PTPRF: variants seen among roughly 807,000 people sequenced by gnomAD.
The protein encoded by PTPRF is receptor-type tyrosine-protein phosphatase F.
PTPRF carries 59 observed loss-of-function variants against 201.8 expected under a neutral mutation model. The observed-to-expected ratio is 0.29, with a 90% CI of 0.24 to 0.36. The LOEUF is 0.36. PTPRF is among the 10% of genes least tolerant of loss of function. The pLI, the probability that PTPRF is intolerant of heterozygous loss-of-function variation, is 1.00. For missense variants in PTPRF, 2,132 were observed against 2,690.5 expected, an observed-to-expected ratio of 0.79 and a Z score of 4.59; for synonymous variants, 1,088 against 1,089.7, an observed-to-expected ratio of 1.00 and a Z score of 0.03.
intron 13 of PTPRF, among the ~76,000 whole-genome samples, chr1:43,599,770 G>T (rs898194277): frequency 6.6e-6 from 1 of 152,200 alleles, no homozygotes; most frequent in African/African-American, 2.4e-5. Flanking sequence ...TATTCAGCAA[G>T]TAGGTGGCTG....
Position 43,605,599 on chromosome 1 carries a change from C to T in PTPRF, c.3460C>T (p.Pro1154Ser), listed in dbSNP as rs1405832871. ...CATGCTGACGCCAAGGTGGAGCACA[C>T]CCGAGGAACTGGAGCTGGACGAGGT... ...GSMLTPRWST[P>S]EELELDELLE... is the part of the protein sequence containing the mutation. The change falls in exon 19 of 34, where the codon CCC (proline) becomes TCC (serine). Residue 1154 changes from proline to serine, a missense_variant. This residue lies in a region of PTPRF where 818 missense variants were observed against 915.3 expected (regional missense o/e 0.89). Transcript: ENST00000359947. 1 of 1,614,152 alleles carries T rather than the reference C, an allele frequency of 6.2e-7. No homozygotes were observed. Among genetic ancestry groups the T allele is most frequent in the Non-Finnish European group, 8.5e-7 (1 of 1,180,028 alleles).
At chr1:43,608,995 G>A (rs1312330295) in intron 21 of PTPRF, among the ~76,000 whole-genome samples, 1 of 152,158 alleles carries the variant, frequency 6.6e-6, no homozygotes, top group African/African-American at 2.4e-5. Context: ...CTCCTGTGCT[G>A]TTTGTGTATT....
intron 5 of PTPRF, among the ~76,000 whole-genome samples, chr1:43,560,346 G>C (rs1461183803): frequency 5.9e-5 from 9 of 152,076 alleles, no homozygotes; most frequent in Non-Finnish European, 1.0e-4. Context: ...GCAGCAGGCT[G>C]TGTGCTTGTA....
At chr1:43,533,441 C>T (rs1037572179) in intron 1 of PTPRF, among the ~76,000 whole-genome samples, 5 of 152,056 alleles carry the variant, frequency 3.3e-5, no homozygotes, top group African/African-American at 1.2e-4. Flanking sequence ...CCCTTTTTTC[C>T]ATCAGCCTGA....
chr1:43,528,184 C>A (rs1189628321), upstream of PTPRF, among the ~76,000 whole-genome samples: 2 of 152,100 alleles, frequency 1.3e-5, no homozygotes, highest in Non-Finnish European at 1.5e-5. Flanking sequence ...AAAGGTAGAG[C>A]AAGTCTTTTA....
At position 43,532,313 on chromosome 1, in the gene PTPRF, TG is replaced by T. The variant is rs912989854; in HGVS notation, c.-126+1227del. Among the ~76,000 whole-genome samples the T allele has an allele frequency of 2.8e-4, 43 of 151,898 alleles. 2 individuals are homozygous for T. Among genetic ancestry groups the T allele is most frequent in the South Asian group, 4.2e-4 (2 of 4,784 alleles). On this transcript the variant is annotated intron_variant, in intron 1 of 33. Transcript: ENST00000359947. Reference sequence around the variant, plus strand: ...CCCCTGAGTTGGAGCAGGTTGGGGGTGGGGAGCGCTACCTGCCTGAGCTGTG... The same window carrying T: ...CCCCTGAGTTGGAGCAGGTTGGGGGTGGGAGCGCTACCTGCCTGAGCTGTG...
At chr1:43,613,367 G>T in intron 22 of PTPRF, 1 of 462,918 alleles carries the variant, frequency 2.2e-6, no homozygotes, top group Non-Finnish European at 4.0e-6. Context: ...CTGCCAGGCA[G>T]GGCCTAGTGC....
At position 43,603,278 on chromosome 1, in the gene PTPRF, T is replaced by G; in HGVS notation, c.2341-138T>G. 4.1e-6 allele frequency: 3 copies of G among 739,954 alleles called. No individual in the cohort carries two copies. Among genetic ancestry groups the G allele is most frequent in the Non-Finnish European group, 6.9e-6 (3 of 432,508 alleles). The allele number at this position is 739,954 out of a possible 1,614,324, so 45.8% of individuals were successfully genotyped here. ...GCTTCCTCTCCAGCAGAGGCCACCA[T>G]TGTATAGCCCCACCTTCCACAACCC... On this transcript the variant is annotated intron_variant, in intron 14 of 33. Transcript: ENST00000359947. The surrounding 1 kb of genome is among the most constrained non-coding windows in gnomAD (Gnocchi z 5.8).
chr1:43,579,048 G>C (rs1647132565), intron 7 of PTPRF, 128 bp downstream of exon 7: 2 of 848,316 alleles, frequency 2.4e-6, no homozygotes, highest in Non-Finnish European at 4.0e-6. Context: ...TCTCCTTCCT[G>C]CTTCTTTCTG....
chr1:43,587,016 A>T (rs1037776388), intron 7 of PTPRF, among the ~76,000 whole-genome samples: 5 of 152,236 alleles, frequency 3.3e-5, no homozygotes, highest in Non-Finnish European at 5.9e-5. Context: ...CTCATGCCCT[A>T]GGTGAACCTG....
chr1:43,546,706 G>A lies in PTPRF; in HGVS notation c.91+1540G>A, dbSNP rs1191760893. Among the ~76,000 whole-genome samples, 1 of 152,022 alleles carries A rather than the reference G, an allele frequency of 6.6e-6. No homozygotes were observed. The highest frequency in any genetic ancestry group is 1.9e-4 in the East Asian group (1 of 5,168). ...CTCCTCCTCCTGCCTCAGACCCAAC[G>A]CGCCCCAACCTGTACCCCTCACTCT... is the stretch of plus-strand genomic sequence containing the variant. On this transcript the variant is annotated intron_variant, in intron 3 of 33. Coordinates refer to ENST00000359947, the MANE Select transcript of PTPRF (RefSeq NM_002840.5). The surrounding 1 kb of genome is among the most constrained non-coding windows in gnomAD (Gnocchi z 4.2).
At chr1:43,618,929 G>C (rs1396573818) in intron 26 of PTPRF, 119 bp from the exon 27 acceptor site, 2 of 1,464,520 alleles carry the variant, frequency 1.4e-6, no homozygotes, top group Non-Finnish European at 1.9e-6. Flanking sequence ...AGGCTACTCT[G>C]TGTGGCTTCT....
chr1:43,545,291 T>C (rs1644590371), intron 3 of PTPRF, 125 bp downstream of exon 3: 1 of 1,022,866 alleles, frequency 9.8e-7, no homozygotes, highest in Non-Finnish European at 1.4e-6. Context: ...CCTTTAGACC[T>C]TCTGTCCTAG....
At position 43,622,219 on chromosome 1, in the gene PTPRF, G is replaced by A; in HGVS notation, c.*216G>A. The A allele has an allele frequency of 1.7e-6, 1 of 574,716 alleles. No homozygotes were observed. The highest frequency in any genetic ancestry group is 2.2e-5 in the South Asian group (1 of 45,178). The allele number at this position is 574,716 out of a possible 1,614,324, so 35.6% of individuals were successfully genotyped here. On this transcript the variant is annotated 3_prime_UTR_variant, in exon 34 of 34. Transcript: ENST00000359947. ...GTGGATGGCCCAGCAGGCAGGCACT[G>A]TGGCCCTTCTGTCCACCAGACCCAC...
rs1557882942 is a variant in PTPRF, at chr1:43,621,249, T to C, written c.5655+17T>C. ...CAGACAGAGGTAACGCAGACCAGGC[T>C]GCAGGGCCAGGGCCTTGGCAGCAGC... is the stretch of plus-strand genomic sequence containing the variant. On this transcript the variant is annotated intron_variant, in intron 33 of 33. Transcript: ENST00000359947. 13 of 1,612,760 alleles carry C rather than the reference T, an allele frequency of 8.1e-6. No homozygotes were observed. The highest frequency in any genetic ancestry group is 9.3e-6 in the Non-Finnish European group (11 of 1,179,022).
At chr1:43,618,560 G>A in intron 25 of PTPRF, 70 bp from the exon 26 acceptor site, 1 of 1,546,670 alleles carries the variant, frequency 6.5e-7, no homozygotes, top group South Asian at 1.2e-5. Context: ...GAGTTGACCA[G>A]CCTCCACCCT....
At position 43,617,902 on chromosome 1, in the gene PTPRF, G is replaced by C; in HGVS notation, c.4362G>C (p.Glu1454Asp). 6.2e-7 allele frequency: 1 copy of C among 1,608,000 alleles called. No individual in the cohort carries two copies. The highest frequency in any genetic ancestry group is 8.5e-7 in the Non-Finnish European group (1 of 1,175,204). Residue 1454 changes from glutamate (E) to aspartate (D), a missense_variant, in exon 25 of 34, where the codon GAG (glutamate) becomes GAC (aspartate). Glu to Asp is a conservative substitution (Grantham distance 45, BLOSUM62 2). Transcript: ENST00000359947. ...ATVVMMTRLE[E>D]KSRVKCDQYW... ...TGGTCATGATGACACGGCTGGAGGA[G>C]AAGTCCCGGGTGAGGCTGCAGGGCC...
At chr1:43,571,967 G>C (rs916827719) in intron 6 of PTPRF, among the ~76,000 whole-genome samples, 1 of 152,238 alleles carries the variant, frequency 6.6e-6, no homozygotes, top group South Asian at 2.1e-4. Context: ...TTGAGTTGAT[G>C]GCCTGGCCTC....
Position 43,588,909 on chromosome 1 carries a change from G to C in PTPRF, c.858G>C (p.Glu286Asp). The change falls in exon 8 of 34, where the codon GAG becomes GAC. Residue 286 changes from glutamate to aspartate, a missense_variant. Glu to Asp is a conservative substitution (Grantham distance 45, BLOSUM62 2). Transcript: ENST00000359947. This position sits in a 1 kb window ranked among gnomAD's most constrained non-coding sequence, Gnocchi z 5.3. ...DEMPVGRNVL[E>D]LSNVVRSANY... ...TGCCAGTTGGCCGCAACGTCCTGGA[G>C]CTCAGCAATGTCGTACGCTCTGCCA... 1 of 1,613,180 alleles carries C rather than the reference G, an allele frequency of 6.2e-7. No homozygotes were observed. Among genetic ancestry groups the C allele is most frequent in the South Asian group, 1.1e-5 (1 of 90,970 alleles).
Sources: allele counts gnomAD v4.1 joint callset (sites outside exome capture counted in the v4.1 genomes callset), GRCh38; gene constraint gnomAD v4.1.1; regional missense constraint gnomAD v4.1.1; non-coding constraint Gnocchi (gnomAD v3.1); transcripts MANE v1.5; gene names NCBI Gene and HGNC (gene_info 2026-07-23, HGNC 2026-07-21).